PIEZO2: variants seen among roughly 807,000 people sequenced by gnomAD.
The protein encoded by PIEZO2 is piezo type mechanosensitive ion channel component 2.
In PIEZO2, 172 loss-of-function variants were observed where a neutral mutation model predicts 337.3. The observed-to-expected ratio is 0.51, with a 90% CI of 0.45 to 0.58. PIEZO2 has a LOEUF of 0.58. Ranked by LOEUF, PIEZO2 falls within the 20% of genes least tolerant of loss-of-function variation. The pLI, the probability that PIEZO2 is intolerant of heterozygous loss-of-function variation, is 0.00. For synonymous variants in PIEZO2, 1,251 were observed against 1,228.5 expected (o/e 1.02, Z -0.38); for missense variants, 3,028 against 3,391.3 (o/e 0.89, Z 2.66).
intron 1 of PIEZO2, among the ~76,000 whole-genome samples, chr18:11,082,981 G>A (rs1197743024): frequency 1.3e-5 from 2 of 152,182 alleles, no homozygotes; most frequent in Non-Finnish European, 1.5e-5. Flanking sequence ...GATGGAATCG[G>A]CAGCATCCTT....
intron 21 of PIEZO2, among the ~76,000 whole-genome samples, chr18:10,763,650 T>C (rs1039431603): frequency 2.0e-5 from 3 of 152,188 alleles, no homozygotes; most frequent in Non-Finnish European, 4.4e-5. Flanking sequence ...TTTTACACCA[T>C]GCTATGGCAC....
rs142620715 is a variant in PIEZO2 at position 10,696,169 on chromosome 18, G to A, written c.7095C>T (p.Leu2365=). 1.9e-5 allele frequency: 30 copies of A among 1,614,124 alleles called. 2 individuals carry two copies. The African/African-American group carries it at 4.0e-4, about 22-fold the overall frequency. Residue 2365 remains leucine (L), a synonymous_variant, in exon 47 of 56, where the codon CTC becomes CTT. Transcript: ENST00000674853. ...TGACCTTTCCCAGTACAGTCTTCCTGAGGTAGAGGGCTCGGTCCACCACCA... is the reference window on the plus strand; with the variant it reads ...TGACCTTTCCCAGTACAGTCTTCCTAAGGTAGAGGGCTCGGTCCACCACCA... ...GTMVVDRALY[L]RKTVLGKVIF... is the part of the protein sequence containing the mutation.
rs2040256340 is a variant in PIEZO2 at position 11,128,674 on chromosome 18, AT to A, written c.64+19850del. Among the ~76,000 whole-genome samples the A allele has an allele frequency of 6.6e-6, 1 of 152,096 alleles. No homozygotes were observed. The highest frequency in any genetic ancestry group is 1.5e-5 in the Non-Finnish European group (1 of 68,018). On this transcript the variant is annotated intron_variant, in intron 1 of 55. Coordinates refer to ENST00000674853, the MANE Select transcript of PIEZO2 (RefSeq NM_001378183.1). The surrounding 1 kb of genome is among the most constrained non-coding windows in gnomAD (Gnocchi z 4.1). ...CCTGAAGCAGTTTCTAGGCAAGATA[AT>A]GTTGATTCTCCTCAGAAGCCTCCCC...
chr18:10,821,683 C>T lies in PIEZO2; in HGVS notation c.918-14409G>A, dbSNP rs2040525014. Among the ~76,000 whole-genome samples, 1 of 152,110 alleles carries T rather than the reference C, an allele frequency of 6.6e-6. No individual in the cohort carries two copies. Among genetic ancestry groups the T allele is most frequent in the African/African-American group, 2.4e-5 (1 of 41,434 alleles). On this transcript the variant is annotated intron_variant, in intron 7 of 55. Coordinates refer to ENST00000674853, the MANE Select transcript of PIEZO2 (RefSeq NM_001378183.1). This position sits in a 1 kb window ranked among gnomAD's most constrained non-coding sequence, Gnocchi z 4.2. ...GTCAAGTATCACCCCCACCCACCAC[C>T]ACCTTTTTCATCAAAGATTCTACCC...
At chr18:10,965,205 C>G (rs911103291) in intron 3 of PIEZO2, among the ~76,000 whole-genome samples, 1 of 152,120 alleles carries the variant, frequency 6.6e-6, no homozygotes, top group Non-Finnish European at 1.5e-5. Flanking sequence ...TTTGAAGAAC[C>G]ACCAAACTGC....
At chr18:10,797,166 T>C (rs976351738) in intron 12 of PIEZO2, among the ~76,000 whole-genome samples, 1 of 151,806 alleles carries the variant, frequency 6.6e-6, no homozygotes, top group Non-Finnish European at 1.5e-5. Context: ...ATACATATCA[T>C]CATATTATAC....
In PIEZO2 at chr18:10,759,862, G is replaced by T; in HGVS notation, c.3498C>A (p.Phe1166Leu). The change falls in exon 25 of 56, where the codon TTC (phenylalanine) becomes TTA (leucine). Residue 1166 changes from phenylalanine to leucine, a missense_variant. By Grantham distance (22) the Phe-to-Leu change is conservative (BLOSUM62 0). Coordinates refer to ENST00000674853, the MANE Select transcript of PIEZO2 (RefSeq NM_001378183.1). This position sits in a 1 kb window ranked among gnomAD's most constrained non-coding sequence, Gnocchi z 5.5. ...GCCAGCAGGCGTGGATCATGGCATA[G>T]AAATCCATTCGCTGGCCAATGACGT... ...SVNVIGQRMDFYAMIHACWLI... is the reference protein window; with the variant it reads ...SVNVIGQRMDLYAMIHACWLI... 6.5e-7 allele frequency: 1 copy of T among 1,537,444 alleles called. No homozygotes were observed. The highest frequency in any genetic ancestry group is 8.7e-7 in the Non-Finnish European group (1 of 1,146,960).
At chr18:10,920,875 A>T (rs2031343694) in intron 3 of PIEZO2, among the ~76,000 whole-genome samples, 1 of 152,118 alleles carries the variant, frequency 6.6e-6, no homozygotes, top group Admixed American at 6.6e-5. Flanking sequence ...CAATGTGGTG[A>T]AACACTGTCT....
At chr18:10,687,943 A>C (rs537007160) in intron 49 of PIEZO2, among the ~76,000 whole-genome samples, 3 of 152,220 alleles carry the variant, frequency 2.0e-5, no homozygotes, top group Non-Finnish European at 2.9e-5. Context: ...GCTGACCTAC[A>C]TAATTGTGAG....
intron 1 of PIEZO2, among the ~76,000 whole-genome samples, chr18:11,100,842 A>G (rs545548371): frequency 1.4e-4 from 22 of 152,160 alleles, no homozygotes; most frequent in Admixed American, 7.2e-4. Context: ...TGATCCGCCC[A>G]CCTTGGCCTC....
chr18:10,803,980 C>T lies in PIEZO2; in HGVS notation c.1095G>A (p.Gly365=), dbSNP rs2039912229. ...WLQEPLVQDE[G]TKEEDKALAC... Reference sequence around the variant, plus strand: ...CCAGGGCTTTGTCCTCTTCTTTGGTCCCCTCATCCTGCACCTGAAACACAG... The same window carrying T: ...CCAGGGCTTTGTCCTCTTCTTTGGTTCCCTCATCCTGCACCTGAAACACAG... The change falls in exon 9 of 56, where the codon GGG becomes GGA. Residue 365 remains glycine (G), a synonymous_variant. Coordinates refer to ENST00000674853, the MANE Select transcript of PIEZO2 (RefSeq NM_001378183.1). 6.5e-7 allele frequency: 1 copy of T among 1,537,240 alleles called. No homozygotes were observed. Among genetic ancestry groups the T allele is most frequent in the Non-Finnish European group, 8.7e-7 (1 of 1,146,952 alleles).
chr18:10,858,652 G>A (rs1177321923), intron 5 of PIEZO2, among the ~76,000 whole-genome samples: 2 of 152,158 alleles, frequency 1.3e-5, no homozygotes, highest in African/African-American at 4.8e-5. Context: ...TTCACGGGAG[G>A]AAGGCAGGGA....
intron 2 of PIEZO2, among the ~76,000 whole-genome samples, chr18:11,010,985 T>A (rs998081420): frequency 6.6e-6 from 1 of 152,234 alleles, no homozygotes; most frequent in East Asian, 1.9e-4. Context: ...TCATGCGACA[T>A]CAGTTCATTG....
rs1376182174 is a variant in PIEZO2, at chr18:11,125,573, C to T, written c.64+22952G>A. ...TGCGGAAACCAAGACACACTCCATT[C>T]CAAATAAAGATTACCCTGCAGAGAA... On this transcript the variant is annotated intron_variant, in intron 1 of 55. Transcript: ENST00000674853. The surrounding 1 kb of genome is among the most constrained non-coding windows in gnomAD (Gnocchi z 4.4). Among the ~76,000 whole-genome samples the T allele has an allele frequency of 1.3e-5, 2 of 152,160 alleles. No individual in the cohort carries two copies. The highest frequency in any genetic ancestry group is 2.9e-5 in the Non-Finnish European group (2 of 68,034).
At chr18:11,115,607 G>T (rs1003613045) in intron 1 of PIEZO2, among the ~76,000 whole-genome samples, 8 of 152,108 alleles carry the variant, frequency 5.3e-5, no homozygotes, top group African/African-American at 1.9e-4. Flanking sequence ...TTTCACACAT[G>T]TATAAAGTCC....
chr18:10,787,208 A>T, intron 15 of PIEZO2, 24 bp from the exon 16 acceptor site: 1 of 1,489,060 alleles, frequency 6.7e-7, no homozygotes, highest in Middle Eastern at 2.1e-4. Context: ...ATTGAAAAAA[A>T]AAAATGAGAA....
rs1357522189 is a variant in PIEZO2 at position 11,083,577 on chromosome 18, G to C, written c.65-17355C>G. 1.3e-5 allele frequency among the ~76,000 whole-genome samples: 2 copies of C among 151,562 alleles called. No homozygotes were observed. The highest frequency in any genetic ancestry group is 2.9e-5 in the Non-Finnish European group (2 of 67,982). On this transcript the variant is annotated intron_variant, in intron 1 of 55. Transcript: ENST00000674853. This position sits in a 1 kb window ranked among gnomAD's most constrained non-coding sequence, Gnocchi z 4.4. ...GCAGGGCACGGTGTGGGCTCTTCCT[G>C]TGGCATGCAGAACTTCCAAAGTTAC...
At position 11,033,829 on chromosome 18, in the gene PIEZO2, G is replaced by A. The variant is rs1178427744; in HGVS notation, c.160+32298C>T. 1.3e-5 allele frequency among the ~76,000 whole-genome samples: 2 copies of A among 151,888 alleles called. No individual in the cohort carries two copies. The highest frequency in any genetic ancestry group is 1.3e-4 in the Admixed American group (2 of 15,262). ...TCAACATAATGGAGTGCATAATCAC[G>A]GACTGCTAAGAATGTGCAAAGCTGA... On this transcript the variant is annotated intron_variant, in intron 2 of 55. Transcript: ENST00000674853. The surrounding 1 kb of genome is among the most constrained non-coding windows in gnomAD (Gnocchi z 4.2).
In PIEZO2 at chr18:11,143,623, A is replaced by ACTCTCT. The variant is rs1568412583; in HGVS notation, c.64+4901_64+4902insAGAGAG. Among the ~76,000 whole-genome samples the ACTCTCT allele has an allele frequency of 2.8e-5, 4 of 142,986 alleles. No individual in the cohort carries two copies. The highest frequency in any genetic ancestry group is 1.1e-4 in the African/African-American group (4 of 35,424). 93.8% of individuals were successfully genotyped at this position (142,986 alleles called of 152,430 possible). The stretch of plus-strand genomic sequence containing the variant: ...CTAACACACACACACACACACACAC[A>ACTCTCT]CACACACACACACACACTCTCTCTC... On this transcript the variant is annotated intron_variant, in intron 1 of 55. Coordinates refer to ENST00000674853, the MANE Select transcript of PIEZO2 (RefSeq NM_001378183.1). This position sits in a 1 kb window ranked among gnomAD's most constrained non-coding sequence, Gnocchi z 4.9.
Sources: allele counts gnomAD v4.1 joint callset (sites outside exome capture counted in the v4.1 genomes callset), GRCh38; gene constraint gnomAD v4.1.1; non-coding constraint Gnocchi (gnomAD v3.1); transcripts MANE v1.5; gene names NCBI Gene and HGNC (gene_info 2026-07-23, HGNC 2026-07-21).